The following NT5E variants were observed in gnomAD, a reference collection of about 807,000 sequenced individuals.
NT5E encodes 5'-nucleotidase.
A neutral mutation model predicts 55.1 loss-of-function variants in NT5E; 53 were observed. The observed-to-expected ratio is 0.96, with a 90% CI of 0.77 to 1.21. NT5E has a LOEUF of 1.21. NT5E is among the 50% of genes most tolerant of loss of function. The pLI is 0.00. For missense variants in NT5E, 683 were observed against 724.3 expected, an observed-to-expected ratio of 0.94 and a Z score of 0.65; for synonymous variants, 270 against 278.4, an observed-to-expected ratio of 0.97 and a Z score of 0.30.
chr6:85,491,356 G>C (rs1294212600), intron 7 of NT5E: 3 of 335,458 alleles, frequency 8.9e-6, no homozygotes, highest in Non-Finnish European at 1.2e-5. Flanking sequence ...TTTAACCTTA[G>C]GTTGTGGTCC....
chr6:85,453,843 C>T (rs1022183238), intron 1 of NT5E, among the ~76,000 whole-genome samples: 1 of 152,186 alleles, frequency 6.6e-6, no homozygotes, highest in Non-Finnish European at 1.5e-5. Context: ...TTGTTCGCCA[C>T]CCTCCACCTC....
rs549608514 is a variant in NT5E, at chr6:85,484,248, T to C, written c.752-987T>C. On this transcript the variant is annotated intron_variant, in intron 3 of 8. Transcript: ENST00000257770. ...AATGGGGTCAAATGAATCTGTCCCATAGTCTCTAATTTGAAACAGCTGAAC... is the reference window on the plus strand; with the variant it reads ...AATGGGGTCAAATGAATCTGTCCCACAGTCTCTAATTTGAAACAGCTGAAC... Among the ~76,000 whole-genome samples, 3 of 152,296 alleles carry C rather than the reference T, an allele frequency of 2.0e-5. No individual in the cohort carries two copies. The East Asian group carries it at 5.8e-4, about 29-fold the overall frequency.
At chr6:85,481,954 C>T (rs1001839618) in intron 3 of NT5E, among the ~76,000 whole-genome samples, 1 of 152,106 alleles carries the variant, frequency 6.6e-6, no homozygotes, top group Non-Finnish European at 1.5e-5. Flanking sequence ...TAGTAGTGGT[C>T]AAGACTAGCT....
intron 7 of NT5E, 103 bp from the exon 8 acceptor site, chr6:85,491,874 A>C: frequency 1.3e-4 from 127 of 1,013,446 alleles, no homozygotes; most frequent in East Asian, 2.9e-4. Flanking sequence ...AACCAAAGGA[A>C]AAACCACAGC....
rs1768827101 is a variant in NT5E at position 85,450,289 on chromosome 6, G to T, written c.150G>T (p.Lys50Asn). The T allele has an allele frequency of 1.9e-6, 3 of 1,607,074 alleles. No individual in the cohort carries two copies. Among genetic ancestry groups the T allele is most frequent in the African/African-American group, 1.3e-5 (1 of 74,894 alleles). The change falls in exon 1 of 9, where the codon AAG becomes AAT. Residue 50 changes from lysine to asparagine, a missense_variant. Coordinates refer to ENST00000257770, the MANE Select transcript of NT5E (RefSeq NM_002526.4). The surrounding 1 kb of genome is among the most constrained non-coding windows in gnomAD (Gnocchi z 4.0). ...AGCAGACCAGCGAGGACTCCAGCAA[G>T]TGCGTCAACGCCAGCCGCTGCATGG... ...RLEQTSEDSSKCVNASRCMGG... is the reference protein window; with the variant it reads ...RLEQTSEDSSNCVNASRCMGG...
chr6:85,467,310 G>C (rs1232299271), intron 2 of NT5E, 28 bp downstream of exon 2: 1 of 1,570,180 alleles, frequency 6.4e-7, no homozygotes, highest in African/African-American at 1.4e-5. Context: ...AGCACTCAAT[G>C]CTTGAAAATA....
At chr6:85,465,855 G>C (rs2127756354) in intron 1 of NT5E, among the ~76,000 whole-genome samples, 1 of 152,340 alleles carries the variant, frequency 6.6e-6, no homozygotes, top group African/African-American at 2.4e-5. Context: ...GAGCAAGGAA[G>C]GAAGAGGGTG....
At position 85,489,538 on chromosome 6, in the gene NT5E, C is replaced by T. The variant is rs370951693; in HGVS notation, c.1149C>T (p.His383=). ...ACACGGATGAAATGTTCTGGAACCA[C>T]GTATCCATGTGCATTTTAAATGGAG... ...LRHTDEMFWN[H]VSMCILNGGG... is the part of the protein sequence containing the mutation. Residue 383 remains histidine, a synonymous_variant, in exon 6 of 9, where the codon CAC becomes CAT. Transcript: ENST00000257770. 92 of 1,613,842 alleles carry T rather than the reference C, an allele frequency of 5.7e-5. No individual in the cohort carries two copies. Among genetic ancestry groups the T allele is most frequent in the Non-Finnish European group, 6.9e-5 (81 of 1,179,924 alleles).
chr6:85,463,385 A>C (rs1000356592), intron 1 of NT5E, among the ~76,000 whole-genome samples: 1 of 152,260 alleles, frequency 6.6e-6, no homozygotes, highest in Non-Finnish European at 1.5e-5. Context: ...AAAGAGCATC[A>C]GAACATGATT....
rs1258328175 is a variant in NT5E, at chr6:85,467,175, C to G, written c.455C>G (p.Ser152Cys). 1 of 1,614,046 alleles carries G rather than the reference C, an allele frequency of 6.2e-7. No individual in the cohort carries two copies. The highest frequency in any genetic ancestry group is 1.3e-5 in the African/African-American group (1 of 74,930). ...ANIKAKGPLA[S>C]QISGLYLPYK... is the part of the protein sequence containing the mutation. The stretch of plus-strand genomic sequence containing the variant: ...ATTAAAGCAAAGGGGCCACTAGCAT[C>G]TCAAATATCAGGACTTTATTTGCCA... Residue 152 changes from serine to cysteine, a missense_variant, in exon 2 of 9, where the codon TCT (serine) becomes TGT (cysteine). By Grantham distance (112) the Ser-to-Cys change is moderately radical. Transcript: ENST00000257770.
chr6:85,479,177 A>T (rs1769493840), intron 3 of NT5E, among the ~76,000 whole-genome samples: 1 of 152,236 alleles, frequency 6.6e-6, no homozygotes, highest in Non-Finnish European at 1.5e-5. Context: ...TTTTTGTTAA[A>T]TAAAAAAAAA....
At chr6:85,476,149 T>C (rs1769431273) in intron 3 of NT5E, among the ~76,000 whole-genome samples, 1 of 152,128 alleles carries the variant, frequency 6.6e-6, no homozygotes, top group Non-Finnish European at 1.5e-5. Context: ...TCCATGTGGG[T>C]AGTTGATCCA....
rs755218216 is a variant in NT5E, at chr6:85,492,003, C to T, written c.1387C>T (p.Arg463Ter). 34 of 1,613,908 alleles carry T rather than the reference C, an allele frequency of 2.1e-5. No homozygotes were observed. The Admixed American group carries it at 2.2e-4, about 10-fold the overall frequency. Residue 463 changes from arginine (R) to a stop codon, truncating the protein, a stop_gained, in exon 8 of 9, where the codon CGA becomes TGA. Transcript: ENST00000257770. LOFTEE classifies it high-confidence loss of function. ...AATCCATGTGGTGTATGATCTTTCCCGAAAACCTGGAGACAGAGTAGTCAA... is the reference window on the plus strand; with the variant it reads ...AATCCATGTGGTGTATGATCTTTCCTGAAAACCTGGAGACAGAGTAGTCAA... ...GGIHVVYDLS[R>*]KPGDRVVKLD...
intron 1 of NT5E, among the ~76,000 whole-genome samples, chr6:85,461,831 G>A (rs1769103731): frequency 6.6e-6 from 1 of 152,072 alleles, no homozygotes; most frequent in Non-Finnish European, 1.5e-5. Flanking sequence ...GAGACACTTT[G>A]TGGAGTTGTC....
At chr6:85,461,817 T>C (rs905425214) in intron 1 of NT5E, among the ~76,000 whole-genome samples, 7 of 152,030 alleles carry the variant, frequency 4.6e-5, no homozygotes, top group African/African-American at 1.7e-4. Flanking sequence ...CTCTTCTGTT[T>C]CAAGAGACAC....
chr6:85,463,345 A>G (rs1769130314), intron 1 of NT5E, among the ~76,000 whole-genome samples: 2 of 152,228 alleles, frequency 1.3e-5, no homozygotes, highest in Non-Finnish European at 2.9e-5. Context: ...CTTAGTAATG[A>G]AATGTTTGGA....
Position 85,471,376 on chromosome 6 carries a change from G to A in NT5E, c.702G>A (p.Arg234=), listed in dbSNP as rs141370047. 1 of 1,612,806 alleles carries A rather than the reference G, an allele frequency of 6.2e-7. No homozygotes were observed. The highest frequency in any genetic ancestry group is 8.5e-7 in the Non-Finnish European group (1 of 1,179,212). The part of the protein sequence containing the change: ...EMDKLIAQKV[R]GVDVVVGGHS... ...ATAAACTCATCGCTCAGAAAGTGAGGGGTGTGGACGTCGTGGTGGGAGGAC... is the reference window on the plus strand; with the variant it reads ...ATAAACTCATCGCTCAGAAAGTGAGAGGTGTGGACGTCGTGGTGGGAGGAC... Residue 234 remains arginine (R), a synonymous_variant, in exon 3 of 9, where the codon AGG becomes AGA. Coordinates refer to ENST00000257770, the MANE Select transcript of NT5E (RefSeq NM_002526.4).
In NT5E at chr6:85,495,307, C is replaced by T. The variant is rs1046707126; in HGVS notation, c.*1303C>T. ...GATGAAATGACCTATGCCCAAAGAA[C>T]AAATACTTAACGTGGGAGTGGAACC... On this transcript the variant is annotated 3_prime_UTR_variant, in exon 9 of 9. Coordinates refer to ENST00000257770, the MANE Select transcript of NT5E (RefSeq NM_002526.4). 6.6e-6 allele frequency: 1 copy of T among 152,182 alleles called. No homozygotes were observed. Among genetic ancestry groups the T allele is most frequent in the Non-Finnish European group, 1.5e-5 (1 of 68,040 alleles). 9.4% of individuals were successfully genotyped at this position (152,182 alleles called of 1,614,324 possible).
intron 2 of NT5E, 75 bp from the exon 3 acceptor site, chr6:85,471,162 G>A: frequency 9.9e-7 from 1 of 1,014,352 alleles, no homozygotes; most frequent in East Asian, 2.7e-5. Flanking sequence ...TTTAACCTTT[G>A]CATGTTAATA....
Sources: gnomAD v4.1 joint callset for allele counts (sites outside exome capture counted in the v4.1 genomes callset) on GRCh38, gnomAD v4.1.1 for gene constraint, Gnocchi (gnomAD v3.1) non-coding constraint, MANE v1.5 for transcripts, NCBI Gene and HGNC (gene_info 2026-07-23, HGNC 2026-07-21) for gene names.